Variants in KDM2A observed in about 807,000 individuals in gnomAD.
KDM2A encodes lysine demethylase 2A.
In KDM2A, 3 loss-of-function variants were observed where a neutral mutation model predicts 137.3. The ratio of observed to expected loss-of-function variants is 0.02; its 90% confidence interval spans 0.01 to 0.06. KDM2A has a LOEUF of 0.06. KDM2A is among the 10% of genes least tolerant of loss of function. The pLI is 1.00. For synonymous variants in KDM2A, 512 were observed against 541.5 expected, an observed-to-expected ratio of 0.95 and a Z score of 0.76; for missense variants, 738 against 1,510.6, an observed-to-expected ratio of 0.49 and a Z score of 8.48.
At chr11:67,186,045 C>T (rs1415874849) in intron 5 of KDM2A, among the ~76,000 whole-genome samples, 1 of 151,728 alleles carries the variant, frequency 6.6e-6, no homozygotes, top group Non-Finnish European at 1.5e-5. Context: ...ATAGAAGTAC[C>T]AGAAGGAAAA....
intron 2 of KDM2A, among the ~76,000 whole-genome samples, chr11:67,164,887 C>T (rs1007193246): frequency 1.3e-5 from 2 of 152,086 alleles, no homozygotes; most frequent in East Asian, 1.9e-4. Flanking sequence ...GTGTGAGCAC[C>T]GCGCCTGGCC....
intron 5 of KDM2A, among the ~76,000 whole-genome samples, chr11:67,190,432 G>A (rs1459005112): frequency 6.6e-6 from 1 of 151,988 alleles, no homozygotes; most frequent in Non-Finnish European, 1.5e-5. Context: ...GTGAAAGTGA[G>A]GACATTACTT....
At chr11:67,173,172 G>C (rs1408478431) in intron 2 of KDM2A, among the ~76,000 whole-genome samples, 1 of 152,106 alleles carries the variant, frequency 6.6e-6, no homozygotes, top group African/African-American at 2.4e-5. Context: ...GCCCAGGCTA[G>C]AGTGCAGTGG....
At chr11:67,211,231 GT>G (rs1414669316) in intron 6 of KDM2A, among the ~76,000 whole-genome samples, 1 of 151,946 alleles carries the variant, frequency 6.6e-6, no homozygotes, top group Non-Finnish European at 1.5e-5. Context: ...TAAAATTGAT[GT>G]TCAGTAAAGT....
intron 3 of KDM2A, among the ~76,000 whole-genome samples, 164 bp from the exon 4 acceptor site, chr11:67,181,156 A>C (rs1460875346): frequency 6.6e-6 from 1 of 152,094 alleles, no homozygotes; most frequent in Non-Finnish European, 1.5e-5. Flanking sequence ...CATATTTTCT[A>C]AGAGATGCTT....
At position 67,257,803 on chromosome 11, in the gene KDM2A, C is replaced by T. The variant is rs1239343095; in HGVS notation, c.*2748C>T. ...AAATGTAAGCATTAAGGGGATAAGTCTTATGCTATCTCAGTTGACACATTG... is the reference window on the plus strand; with the variant it reads ...AAATGTAAGCATTAAGGGGATAAGTTTTATGCTATCTCAGTTGACACATTG... On this transcript the variant is annotated 3_prime_UTR_variant, in exon 21 of 21. Coordinates refer to ENST00000529006, the MANE Select transcript of KDM2A (RefSeq NM_012308.3). The T allele has an allele frequency of 6.6e-6, 1 of 152,048 alleles. No individual in the cohort carries two copies. Among genetic ancestry groups the T allele is most frequent in the Non-Finnish European group, 1.5e-5 (1 of 68,020 alleles). 9.4% of individuals were successfully genotyped at this position (152,048 alleles called of 1,614,324 possible).
rs558982318 is a variant in KDM2A at position 67,183,910 on chromosome 11, A to G, written c.307+2018A>G. Reference sequence around the variant, plus strand: ...GATTGCTTGAGTCCAGGAGTTTGAGATCAGCCTGGGCAACATAGCAAGACC... The same window carrying G: ...GATTGCTTGAGTCCAGGAGTTTGAGGTCAGCCTGGGCAACATAGCAAGACC... On this transcript the variant is annotated intron_variant, in intron 5 of 20. Transcript: ENST00000529006. Among the ~76,000 whole-genome samples the G allele has an allele frequency of 1.8e-3, 268 of 151,476 alleles. 4 individuals carry two copies. The highest frequency in any genetic ancestry group is 7.7e-3 in the East Asian group (39 of 5,088).
At chr11:67,209,319 A>G (rs1328120357) in intron 6 of KDM2A, among the ~76,000 whole-genome samples, 1 of 152,160 alleles carries the variant, frequency 6.6e-6, no homozygotes, top group Non-Finnish European at 1.5e-5. Context: ...TAGCCTTCTT[A>G]TTAGCCTAAT....
intron 2 of KDM2A, among the ~76,000 whole-genome samples, chr11:67,139,217 CAA>C (rs1172766491): frequency 6.6e-6 from 1 of 151,906 alleles, no homozygotes; most frequent in Admixed American, 6.6e-5. Flanking sequence ...CCCTGCCAGC[CAA>C]AGATTGCTAC....
chr11:67,194,958 T>C (rs1279862680), intron 5 of KDM2A, among the ~76,000 whole-genome samples: 2 of 152,198 alleles, frequency 1.3e-5, no homozygotes, highest in African/African-American at 2.4e-5. Context: ...TTCTCAATTA[T>C]TACAGGAATC....
At chr11:67,157,337 A>T (rs1217113375) in intron 2 of KDM2A, among the ~76,000 whole-genome samples, 1 of 151,286 alleles carries the variant, frequency 6.6e-6, no homozygotes, top group Non-Finnish European at 1.5e-5. Context: ...AAAAACAAAA[A>T]ACACCACACA....
chr11:67,202,679 G>A (rs1340142448), intron 5 of KDM2A, among the ~76,000 whole-genome samples: 1 of 148,902 alleles, frequency 6.7e-6, no homozygotes, highest in Non-Finnish European at 1.5e-5. Context: ...AGGAGGCTGA[G>A]GCAGGAGAAT....
intron 12 of KDM2A, among the ~76,000 whole-genome samples, chr11:67,236,607 T>G (rs1858879187): frequency 6.6e-6 from 1 of 152,200 alleles, no homozygotes; most frequent in African/African-American, 2.4e-5. Context: ...TTTCCTGTTT[T>G]CTCTAAACAT....
chr11:67,154,714 C>T (rs1220347233), intron 2 of KDM2A, among the ~76,000 whole-genome samples: 1 of 152,120 alleles, frequency 6.6e-6, no homozygotes, highest in African/African-American at 2.4e-5. Flanking sequence ...GTTGGGATTA[C>T]AGGCATGAAC....
chr11:67,152,905 A>AGTGTGTGT (rs146532672), intron 2 of KDM2A, among the ~76,000 whole-genome samples: 6 of 142,642 alleles, frequency 4.2e-5, no homozygotes, highest in Admixed American at 7.1e-5. Context: ...ACAGTGCCAG[A>AGTGTGTGT]GTGTGTGTGT....
At chr11:67,253,726 G>A (rs1327270505) in intron 19 of KDM2A, 115 bp downstream of exon 19, 1 of 1,107,920 alleles carries the variant, frequency 9.0e-7, no homozygotes, top group Non-Finnish European at 1.3e-6. Flanking sequence ...AAGAATAGAA[G>A]AGCACAAAAT....
chr11:67,250,485 C>G lies in KDM2A; in HGVS notation c.2455C>G (p.Leu819Val). ...ELHGTSIVPK[L>V]QAITASSANL... The stretch of plus-strand genomic sequence containing the variant: ...CCACGGGACATCCATTGTGCCCAAG[C>G]TGCAGGCCATCACGGCCTCCTCTGC... Residue 819 changes from leucine to valine, a missense_variant, in exon 17 of 21, where the codon CTG becomes GTG. Coordinates refer to ENST00000529006, the MANE Select transcript of KDM2A (RefSeq NM_012308.3). This position sits in a 1 kb window ranked among gnomAD's most constrained non-coding sequence, Gnocchi z 7.1. 1 of 1,614,072 alleles carries G rather than the reference C, an allele frequency of 6.2e-7. No individual in the cohort carries two copies. The highest frequency in any genetic ancestry group is 8.5e-7 in the Non-Finnish European group (1 of 1,179,904).
chr11:67,216,008 A>G lies in KDM2A; in HGVS notation c.687+59A>G, dbSNP rs900534997. ...GAAGTTGGTTGTATGACTTTGCTTC[A>G]GTTCATGTATACTTAATATACCCTG... On this transcript the variant is annotated intron_variant, in intron 8 of 20. Coordinates refer to ENST00000529006, the MANE Select transcript of KDM2A (RefSeq NM_012308.3). The G allele has an allele frequency of 8.1e-6, 10 of 1,239,990 alleles. No homozygotes were observed. The African/African-American group carries it at 1.0e-4, about 13-fold the overall frequency. 76.8% of individuals were successfully genotyped at this position (1,239,990 alleles called of 1,614,324 possible). A position where few individuals can be genotyped will look rare whatever the true frequency, so the allele number is the denominator to read the frequency against.
Position 67,250,192 on chromosome 11 carries a change from C to A in KDM2A, c.2162C>A (p.Ser721Tyr), listed in dbSNP as rs757413598. The A allele has an allele frequency of 1.2e-6, 2 of 1,613,786 alleles. No homozygotes were observed. Among genetic ancestry groups the A allele is most frequent in the Admixed American group, 3.3e-5 (2 of 59,996 alleles). ...PLTPPPHSPT[S>Y]MLQLIHDPVS... ...ACGCCCCCGCCTCATTCACCCACTT[C>A]CATGCTGCAGCTCATCCATGACCCG... Residue 721 changes from serine to tyrosine, a missense_variant, in exon 17 of 21, where the codon TCC (serine) becomes TAC (tyrosine). Around this residue, in one of 9 missense-constraint regions of KDM2A, gnomAD observed 244 missense variants for 324.6 expected, o/e 0.75. Transcript: ENST00000529006. This position sits in a 1 kb window ranked among gnomAD's most constrained non-coding sequence, Gnocchi z 7.1.
Sources: gnomAD v4.1 joint callset for allele counts (sites outside exome capture counted in the v4.1 genomes callset) on GRCh38, gnomAD v4.1.1 for gene constraint, gnomAD v4.1.1 regional missense constraint, Gnocchi (gnomAD v3.1) non-coding constraint, MANE v1.5 for transcripts, NCBI Gene and HGNC (gene_info 2026-07-23, HGNC 2026-07-21) for gene names.